Variants in TENM4 observed in about 807,000 individuals in gnomAD.
TENM4 encodes the protein teneurin transmembrane protein 4.
Under a neutral mutation model 243.3 loss-of-function variants are expected in TENM4, and 82 were observed. The ratio of observed to expected loss-of-function variants is 0.34; its 90% CI spans 0.28 to 0.40. The LOEUF is 0.40. Among genes scored for constraint, TENM4 ranks in the 10% least tolerant of loss-of-function variants. The probability of loss-of-function intolerance (pLI) is 1.00; values close to 1 mark genes in which losing one functional copy is unlikely to be tolerated. For synonymous variants in TENM4, 1,412 were observed against 1,456.3 expected, an observed-to-expected ratio of 0.97 and a Z score of 0.69; for missense variants, 3,138 against 3,673.3, an observed-to-expected ratio of 0.85 and a Z score of 3.77.
chr11:78,840,042 C>G (rs574577535), intron 12 of TENM4, among the ~76,000 whole-genome samples: 60 of 152,274 alleles, frequency 3.9e-4, no homozygotes, highest in African/African-American at 1.4e-3. Context: ...AATAAGTTAA[C>G]GTAAATAAAT....
intron 9 of TENM4, among the ~76,000 whole-genome samples, chr11:78,867,642 C>T (rs772099297): frequency 1.3e-5 from 2 of 152,086 alleles, no homozygotes; most frequent in East Asian, 1.9e-4. Context: ...AATCATAACA[C>T]AAAAATTAGT....
At chr11:79,237,404 T>C (rs1044254032) in intron 2 of TENM4, among the ~76,000 whole-genome samples, 3 of 152,174 alleles carry the variant, frequency 2.0e-5, no homozygotes, top group Admixed American at 2.0e-4. Context: ...GGGCCTGGCA[T>C]GGTGGCTCAT....
chr11:79,009,397 C>T (rs896212251), intron 6 of TENM4, among the ~76,000 whole-genome samples: 1 of 152,152 alleles, frequency 6.6e-6, no homozygotes, highest in Non-Finnish European at 1.5e-5. Flanking sequence ...ACCCCATGTG[C>T]CCAGAACCTG....
intron 12 of TENM4, among the ~76,000 whole-genome samples, chr11:78,841,453 A>T (rs1166915565): frequency 6.6e-6 from 1 of 152,056 alleles, no homozygotes; most frequent in Non-Finnish European, 1.5e-5. Flanking sequence ...AGCACTGCTG[A>T]CCCTGAGATC....
At chr11:79,263,682 A>G (rs1482711868) in intron 2 of TENM4, among the ~76,000 whole-genome samples, 1 of 152,156 alleles carries the variant, frequency 6.6e-6, no homozygotes, top group East Asian at 1.9e-4. Flanking sequence ...TAGCCAATGG[A>G]AAGTAGTAAA....
chr11:78,726,519 G>C (rs576510796), intron 22 of TENM4, among the ~76,000 whole-genome samples: 13 of 152,120 alleles, frequency 8.5e-5, no homozygotes, highest in Admixed American at 5.2e-4. Context: ...GTATGTGATG[G>C]GGTTTGTTTC....
chr11:78,670,833 A>G (rs1395614482), intron 31 of TENM4, among the ~76,000 whole-genome samples: 1 of 152,184 alleles, frequency 6.6e-6, no homozygotes, highest in Non-Finnish European at 1.5e-5. Flanking sequence ...GCCTCCAGGT[A>G]CTCAGGCCAT....
At chr11:79,176,068 G>T (rs1336205680) in intron 3 of TENM4, among the ~76,000 whole-genome samples, 1 of 152,112 alleles carries the variant, frequency 6.6e-6, no homozygotes, top group East Asian at 1.9e-4. Context: ...CTCCAGCCTG[G>T]GTGACAGAGG....
intron 6 of TENM4, among the ~76,000 whole-genome samples, chr11:79,023,586 A>T (rs536371864): frequency 1.3e-5 from 2 of 150,902 alleles, no homozygotes; most frequent in African/African-American, 4.9e-5. Context: ...AATCATGATG[A>T]CTCTTTCTAC....
intron 18 of TENM4, among the ~76,000 whole-genome samples, chr11:78,760,973 T>C (rs1017767285): frequency 1.3e-5 from 2 of 152,362 alleles, no homozygotes; most frequent in Non-Finnish European, 2.9e-5. Context: ...AAAATCCACC[T>C]GTTTCTTTCT....
At chr11:79,273,607 G>A (rs1286357617) in intron 2 of TENM4, among the ~76,000 whole-genome samples, 1 of 152,202 alleles carries the variant, frequency 6.6e-6, no homozygotes, top group African/African-American at 2.4e-5. Context: ...AGTTCAAAGA[G>A]GTTAAGTTGT....
At chr11:79,398,375 C>T (rs1465869968) in intron 1 of TENM4, among the ~76,000 whole-genome samples, 1 of 152,102 alleles carries the variant, frequency 6.6e-6, no homozygotes, top group African/African-American at 2.4e-5. Context: ...GTTCATCCAG[C>T]CTTACCTCTC....
chr11:79,015,032 G>A (rs1435465514), intron 6 of TENM4, among the ~76,000 whole-genome samples: 1 of 152,202 alleles, frequency 6.6e-6, no homozygotes, highest in Non-Finnish European at 1.5e-5. Context: ...AGGGGCACAG[G>A]AAGTGTTAGT....
intron 1 of TENM4, among the ~76,000 whole-genome samples, chr11:79,416,539 G>A (rs1206162441): frequency 6.6e-6 from 1 of 151,926 alleles, no homozygotes; most frequent in African/African-American, 2.4e-5. Context: ...ATAAAAATTT[G>A]GTAAAATTAA....
chr11:79,375,259 A>G (rs1857868969), intron 1 of TENM4, among the ~76,000 whole-genome samples: 1 of 152,186 alleles, frequency 6.6e-6, no homozygotes. Context: ...AGCCTCATTG[A>G]TACTTTATTT....
At chr11:79,121,394 T>G (rs1028454148) in intron 4 of TENM4, among the ~76,000 whole-genome samples, 1 of 152,230 alleles carries the variant, frequency 6.6e-6, no homozygotes, top group Non-Finnish European at 1.5e-5. Flanking sequence ...TTTCTTTTCC[T>G]GGGTTGTTGC....
chr11:79,166,350 G>A (rs1054472328), intron 3 of TENM4, among the ~76,000 whole-genome samples: 9 of 152,166 alleles, frequency 5.9e-5, no homozygotes, highest in African/African-American at 2.2e-4. Flanking sequence ...TTTTTAAGAG[G>A]CTTTCATCAG....
chr11:79,249,326 G>A (rs540433840), intron 2 of TENM4, among the ~76,000 whole-genome samples: 56 of 152,266 alleles, frequency 3.7e-4, no homozygotes, highest in African/African-American at 1.1e-3. Flanking sequence ...CACAAAAGCC[G>A]AGATTTGAAC....
intron 4 of TENM4, among the ~76,000 whole-genome samples, chr11:79,085,294 G>A (rs1289888386): frequency 1.3e-5 from 2 of 151,210 alleles, no homozygotes; most frequent in South Asian, 2.1e-4. Context: ...GGAGAATGGC[G>A]TGAACCCGGG....
Sources: allele counts gnomAD v4.1 joint callset (sites outside exome capture counted in the v4.1 genomes callset), GRCh38; gene constraint gnomAD v4.1.1; transcripts MANE v1.5; gene names NCBI Gene and HGNC (gene_info 2026-07-23, HGNC 2026-07-21).